GABRG2: variants seen among roughly 807,000 people sequenced by gnomAD.
GABRG2 encodes the protein gamma-aminobutyric acid type A receptor subunit gamma2.
GABRG2 carries 16 observed loss-of-function variants against 56.4 expected under a neutral mutation model. That is an observed-to-expected ratio of 0.28 (90% CI 0.19 to 0.43). The LOEUF (loss-of-function observed/expected upper bound fraction) is 0.43, where lower values mean the gene tolerates loss of function less well. GABRG2 is among the 20% of genes least tolerant of loss of function. GABRG2 has a pLI of 1.00. For synonymous variants in GABRG2, 208 were observed against 205.5 expected, an observed-to-expected ratio of 1.01 and a Z score of -0.10; for missense variants, 327 against 582.7, an observed-to-expected ratio of 0.56 and a Z score of 4.52.
intron 1 of GABRG2, among the ~76,000 whole-genome samples, chr5:162,073,121 C>T (rs373287349): frequency 6.6e-6 from 1 of 151,742 alleles, no homozygotes; most frequent in Non-Finnish European, 1.5e-5. Flanking sequence ...ATCCATTCAG[C>T]CCACTGAATA....
intron 5 of GABRG2, chr5:162,103,149 A>G (rs191025151): frequency 2.0e-4 from 31 of 153,848 alleles, no homozygotes; most frequent in African/African-American, 6.3e-4. Context: ...TATCCTCCCT[A>G]TAAGAGGACA....
At chr5:162,139,456 A>G (rs539775265) in intron 6 of GABRG2, among the ~76,000 whole-genome samples, 77 of 152,296 alleles carry the variant, frequency 5.1e-4, no homozygotes, top group Non-Finnish European at 9.3e-4. Flanking sequence ...TTGTTCTCAA[A>G]TTTGAATCCA....
intron 6 of GABRG2, among the ~76,000 whole-genome samples, chr5:162,107,624 C>T (rs1388063501): frequency 6.6e-6 from 1 of 152,078 alleles, no homozygotes; most frequent in Non-Finnish European, 1.5e-5. Flanking sequence ...TGTGGTGGGT[C>T]GATAAGATTT....
rs146482785 is a variant in GABRG2 at position 162,071,256 on chromosome 5, A to G, written c.107+3150A>G. ...AACTTTTTCAGTGTAATTTTATTCC[A>G]TCTCAGAGTAAAAATACCCTAAAGG... On this transcript the variant is annotated intron_variant, in intron 1 of 9. Coordinates refer to ENST00000639213, the MANE Select transcript of GABRG2 (RefSeq NM_198904.4). Among the ~76,000 whole-genome samples, 421 of 151,534 alleles carry G rather than the reference A, an allele frequency of 2.8e-3. 1 individual carries two copies. Among genetic ancestry groups the G allele is most frequent in the African/African-American group, 9.7e-3 (401 of 41,546 alleles).
rs1763763338 is a variant in GABRG2, at chr5:162,131,622, A to C, written c.770-10542A>C. ...AGAACAAAAATTTGCAAGATTTATA[A>C]TTATTAAGGATTACAAATTATTTAT... On this transcript the variant is annotated intron_variant, in intron 6 of 9. Transcript: ENST00000639213. 3.3e-5 allele frequency among the ~76,000 whole-genome samples: 5 copies of C among 152,130 alleles called. No individual in the cohort carries two copies. The South Asian group carries it at 1.0e-3, about 32-fold the overall frequency.
intron 6 of GABRG2, among the ~76,000 whole-genome samples, chr5:162,119,715 C>A (rs1247175230): frequency 6.6e-6 from 1 of 152,140 alleles, no homozygotes; most frequent in Non-Finnish European, 1.5e-5. Flanking sequence ...ATGCTTTTTA[C>A]TACAACGGAG....
chr5:162,106,515 A>G (rs181822583), intron 6 of GABRG2, among the ~76,000 whole-genome samples: 15 of 152,276 alleles, frequency 9.9e-5, no homozygotes, highest in African/African-American at 2.9e-4. Context: ...TTTTGATGCT[A>G]TTCTTATCTT....
chr5:162,102,718 A>T (rs1218239401), intron 5 of GABRG2: 1 of 400,602 alleles, frequency 2.5e-6, no homozygotes, highest in South Asian at 1.8e-5. Flanking sequence ...TTTTGTAGAG[A>T]TGGGGCGTCG....
At chr5:162,132,442 A>T (rs1404788184) in intron 6 of GABRG2, among the ~76,000 whole-genome samples, 2 of 152,016 alleles carry the variant, frequency 1.3e-5, no homozygotes, top group Non-Finnish European at 2.9e-5. Flanking sequence ...TGTGAAATGC[A>T]GTCTCATCAT....
intron 4 of GABRG2, 138 bp downstream of exon 4, chr5:162,097,996 A>G: frequency 1.4e-6 from 1 of 700,680 alleles, no homozygotes; most frequent in Non-Finnish European, 2.4e-6. Flanking sequence ...GCTATCAATT[A>G]GTATATGACA....
intron 6 of GABRG2, among the ~76,000 whole-genome samples, chr5:162,111,854 A>G (rs1393452740): frequency 6.6e-6 from 1 of 152,190 alleles, no homozygotes. Flanking sequence ...ACATGCAACA[A>G]TGAAGTATTA....
intron 6 of GABRG2, among the ~76,000 whole-genome samples, chr5:162,139,334 G>T (rs533946370): frequency 6.6e-6 from 1 of 152,024 alleles, no homozygotes; most frequent in Non-Finnish European, 1.5e-5. Context: ...AAGGGGATTT[G>T]ATTTTATAGG....
At chr5:162,117,957 C>T (rs76935422) in intron 6 of GABRG2, among the ~76,000 whole-genome samples, 95 of 152,208 alleles carry the variant, frequency 6.2e-4, no homozygotes, top group Middle Eastern at 3.4e-3. Context: ...CACCGTGTTA[C>T]GCGCTTCACT....
At chr5:162,130,234 G>A (rs1267732606) in intron 6 of GABRG2, among the ~76,000 whole-genome samples, 2 of 151,900 alleles carry the variant, frequency 1.3e-5, no homozygotes, top group African/African-American at 4.8e-5. Flanking sequence ...TGAAAATCGA[G>A]TGCTTGAGAA....
rs1205523378 is a variant in GABRG2 at position 162,093,975 on chromosome 5, A to C, written c.255A>C (p.Ile85=). ...ATGACAATAAACTTCGGCCTGATAT[A>C]GGAGGTTTGTTAAAGTCTTTTGCGT... is the stretch of plus-strand genomic sequence containing the variant. ...EGYDNKLRPD[I]GVKPTLIHTD... The change falls in exon 2 of 10, where the codon ATA becomes ATC. Residue 85 remains isoleucine (I), a synonymous_variant. Transcript: ENST00000639213. 6.2e-7 allele frequency: 1 copy of C among 1,613,054 alleles called. No individual in the cohort carries two copies. Among genetic ancestry groups the C allele is most frequent in the Non-Finnish European group, 8.5e-7 (1 of 1,179,386 alleles).
chr5:162,077,712 C>A (rs1759246863), intron 1 of GABRG2, among the ~76,000 whole-genome samples: 2 of 152,216 alleles, frequency 1.3e-5, no homozygotes, highest in Middle Eastern at 6.8e-3. Flanking sequence ...GAGCAGGAAT[C>A]CAATAATGGG....
chr5:162,127,810 T>C (rs1158464617), intron 6 of GABRG2, among the ~76,000 whole-genome samples: 1 of 151,982 alleles, frequency 6.6e-6, no homozygotes, highest in Non-Finnish European at 1.5e-5. Context: ...AGCATAGACG[T>C]GAGGAAACTG....
At chr5:162,137,567 T>G (rs1243706547) in intron 6 of GABRG2, among the ~76,000 whole-genome samples, 2 of 151,940 alleles carry the variant, frequency 1.3e-5, no homozygotes, top group South Asian at 2.1e-4. Context: ...AAATTTAGGG[T>G]TTTTTTTCTC....
At chr5:162,078,797 A>G (rs996656077) in intron 1 of GABRG2, among the ~76,000 whole-genome samples, 1 of 151,954 alleles carries the variant, frequency 6.6e-6, no homozygotes, top group Non-Finnish European at 1.5e-5. Flanking sequence ...TTTGTTATAG[A>G]TATTTTCCAT....
Sources: allele counts gnomAD v4.1 joint callset (sites outside exome capture counted in the v4.1 genomes callset), GRCh38; gene constraint gnomAD v4.1.1; transcripts MANE v1.5; gene names NCBI Gene and HGNC (gene_info 2026-07-23, HGNC 2026-07-21).